The following KCNQ1 variants were observed in gnomAD, a reference collection of about 807,000 sequenced individuals.
KCNQ1 encodes potassium voltage-gated channel subfamily Q member 1, also known as potassium voltage-gated channel subfamily KQT member 1.
Under a neutral mutation model 72.4 loss-of-function variants are expected in KCNQ1, and 49 were observed. The observed-to-expected ratio is 0.68, with a 90% CI of 0.54 to 0.86. The LOEUF (loss-of-function observed/expected upper bound fraction) is 0.86, where lower values mean the gene tolerates loss of function less well. Ranked by LOEUF, KCNQ1 falls within the 40% of genes least tolerant of loss-of-function variation. The probability of loss-of-function intolerance (pLI) is 0.00; values close to 1 mark genes in which losing one functional copy is unlikely to be tolerated. For synonymous variants in KCNQ1, 450 were observed against 412.6 expected (o/e 1.09, Z -1.10); for missense variants, 790 against 945.1 (o/e 0.84, Z 2.15).
chr11:2,644,177 T>A (rs1849627295), intron 10 of KCNQ1: 1 of 398,464 alleles, frequency 2.5e-6, no homozygotes, highest in African/African-American at 2.1e-5. Flanking sequence ...TTTCATTAAA[T>A]AGGTTTTATA....
intron 10 of KCNQ1, chr11:2,629,674 T>A (rs2133814479): frequency 2.5e-6 from 1 of 398,540 alleles, no homozygotes; most frequent in South Asian, 1.3e-4. Flanking sequence ...CTCTCTATTC[T>A]TTTTGATGCT....
At chr11:2,622,930 C>T (rs1296215445) in intron 10 of KCNQ1, 2 of 398,558 alleles carry the variant, frequency 5.0e-6, no homozygotes, top group Non-Finnish European at 8.8e-6. Flanking sequence ...TTGGGGTGTA[C>T]ATTCTGTGGG....
chr11:2,742,873 G>T (rs954692585), intron 11 of KCNQ1, among the ~76,000 whole-genome samples: 1 of 152,194 alleles, frequency 6.6e-6, no homozygotes, highest in Non-Finnish European at 1.5e-5. Context: ...AGGAAATCCA[G>T]TGCTCCGAGC....
In KCNQ1 at chr11:2,617,482, T is replaced by C. The variant is rs1849086041; in HGVS notation, c.1393+28628T>C. 2.5e-6 allele frequency: 1 copy of C among 398,446 alleles called. No individual in the cohort carries two copies. The highest frequency in any genetic ancestry group is 3.6e-5 in the East Asian group (1 of 28,064). 24.7% of individuals were successfully genotyped at this position (398,446 alleles called of 1,614,324 possible). ...AGTCATCCATCAATGGACACGTAAGTTTTCATATCGTGACTCATGCATATA... is the reference window on the plus strand; with the variant it reads ...AGTCATCCATCAATGGACACGTAAGCTTTCATATCGTGACTCATGCATATA... On this transcript the variant is annotated intron_variant, in intron 10 of 15. Transcript: ENST00000155840. The surrounding 1 kb of genome is among the most constrained non-coding windows in gnomAD (Gnocchi z 4.6).
At position 2,847,992 on chromosome 11, in the gene KCNQ1, G is replaced by T. The variant is rs762122463; in HGVS notation, c.2020G>T (p.Glu674Ter). The part of the protein sequence containing the change: ...QLTVPRRGPD[E>*]GS ...GACCGTGCCCAGGAGGGGCCCCGAT[G>T]AGGGGTCCTGAGGAGGGGATGGGGC... is the stretch of plus-strand genomic sequence containing the variant. Residue 674 changes from glutamate to a stop codon, truncating the protein, a stop_gained, in exon 16 of 16, where the codon GAG (glutamate) becomes TAG (stop). Coordinates refer to ENST00000155840, the MANE Select transcript of KCNQ1 (RefSeq NM_000218.3). LOFTEE classifies it high-confidence loss of function. 6.5e-7 allele frequency: 1 copy of T among 1,539,028 alleles called. No homozygotes were observed. The highest frequency in any genetic ancestry group is 8.8e-7 in the Non-Finnish European group (1 of 1,139,918).
rs1846349609 is a variant in KCNQ1 at position 2,759,139 on chromosome 11, T to A, written c.1515-9705T>A. Among the ~76,000 whole-genome samples the A allele has an allele frequency of 6.7e-6, 1 of 148,524 alleles. No individual in the cohort carries two copies. Among genetic ancestry groups the A allele is most frequent in the Admixed American group, 6.7e-5 (1 of 14,838 alleles). ...TTTTTTTTTCCCAACTTCCTAGGAG[T>A]CTATAATTGTTTCAAAATAAAAAGA... is the stretch of plus-strand genomic sequence containing the variant. On this transcript the variant is annotated intron_variant, in intron 11 of 15. Transcript: ENST00000155840. The surrounding 1 kb of genome is among the most constrained non-coding windows in gnomAD (Gnocchi z 4.4).
rs563918666 is a variant in KCNQ1 at position 2,624,775 on chromosome 11, T to C, written c.1393+35921T>C. ...CCACCGCCATCTCTTGGAAACCACC[T>C]TGTACTTTCTATGTCTCTGATTTGA... On this transcript the variant is annotated intron_variant, in intron 10 of 15. Coordinates refer to ENST00000155840, the MANE Select transcript of KCNQ1 (RefSeq NM_000218.3). This position sits in a 1 kb window ranked among gnomAD's most constrained non-coding sequence, Gnocchi z 4.9. The C allele has an allele frequency of 2.5e-6, 1 of 398,518 alleles. No individual in the cohort carries two copies. Among genetic ancestry groups the C allele is most frequent in the African/African-American group, 2.1e-5 (1 of 48,756 alleles). 24.7% of individuals were successfully genotyped at this position (398,518 alleles called of 1,614,324 possible).
rs1440926821 is a variant in KCNQ1, at chr11:2,626,621, CA to C, written c.1394-35339del. ...ACTGCTTACTGCCACCTCAATCTCCCAGGCTCAAGCAATCCTCCCACCTCGG... is the reference window on the plus strand; with the variant it reads ...ACTGCTTACTGCCACCTCAATCTCCCGGCTCAAGCAATCCTCCCACCTCGG... On this transcript the variant is annotated intron_variant, in intron 10 of 15. Transcript: ENST00000155840. This position sits in a 1 kb window ranked among gnomAD's most constrained non-coding sequence, Gnocchi z 4.0. The C allele has an allele frequency of 1.0e-5, 4 of 398,476 alleles. No homozygotes were observed. The allele number at this position is 398,476 out of a possible 1,614,324, so 24.7% of individuals were successfully genotyped here. A position where few individuals can be genotyped will look rare whatever the true frequency, so the allele number is the denominator to read the frequency against.
At position 2,815,428 on chromosome 11, in the gene KCNQ1, G is replaced by A. The variant is rs564593431; in HGVS notation, c.1795-32339G>A. 6.6e-6 allele frequency among the ~76,000 whole-genome samples: 1 copy of A among 152,088 alleles called. No individual in the cohort carries two copies. Among genetic ancestry groups the A allele is most frequent in the Non-Finnish European group, 1.5e-5 (1 of 68,004 alleles). On this transcript the variant is annotated intron_variant, in intron 15 of 15. Coordinates refer to ENST00000155840, the MANE Select transcript of KCNQ1 (RefSeq NM_000218.3). This position sits in a 1 kb window ranked among gnomAD's most constrained non-coding sequence, Gnocchi z 5.4. ...AGGCCCACAGGGTAGTTCTGAGTTC[G>A]GGGGACCCTCTCCTGGCCCTGTGGG...
At chr11:2,571,809 T>C (rs1030557208) in intron 4 of KCNQ1, among the ~76,000 whole-genome samples, 2 of 152,054 alleles carry the variant, frequency 1.3e-5, no homozygotes, top group African/African-American at 4.8e-5. Flanking sequence ...TGTGGGCAGA[T>C]TCAGAGCAGG....
chr11:2,656,118 G>A (rs893513768), intron 10 of KCNQ1: 3 of 398,524 alleles, frequency 7.5e-6, no homozygotes, highest in African/African-American at 2.1e-5. Context: ...CTACGTTCTA[G>A]CCTGTGCTCC....
chr11:2,575,297 G>A (rs1052123246), intron 6 of KCNQ1, among the ~76,000 whole-genome samples: 2 of 152,142 alleles, frequency 1.3e-5, no homozygotes, highest in Admixed American at 6.5e-5. Flanking sequence ...GCTGCAGCCC[G>A]AGCCTCGGCC....
At chr11:2,832,737 T>C (rs1012794991) in intron 15 of KCNQ1, among the ~76,000 whole-genome samples, 3 of 152,170 alleles carry the variant, frequency 2.0e-5, no homozygotes, top group African/African-American at 7.2e-5. Flanking sequence ...GCGGCCCAGC[T>C]GTGGGGTGAA....
chr11:2,505,115 G>A (rs143302796), intron 1 of KCNQ1, among the ~76,000 whole-genome samples: 65 of 150,762 alleles, frequency 4.3e-4, no homozygotes, highest in Non-Finnish European at 7.7e-4. Flanking sequence ...GGTTTGTTAC[G>A]TAGGTAAATG....
chr11:2,598,178 A>G lies in KCNQ1; in HGVS notation c.1393+9324A>G, dbSNP rs1848757196. ...TCTACTAAAGGCATTTTTAAAGGCT[A>G]TAAATTTTCCTCTGATTGCAGCTTT... On this transcript the variant is annotated intron_variant, in intron 10 of 15. Coordinates refer to ENST00000155840, the MANE Select transcript of KCNQ1 (RefSeq NM_000218.3). This position sits in a 1 kb window ranked among gnomAD's most constrained non-coding sequence, Gnocchi z 6.2. 1.3e-5 allele frequency among the ~76,000 whole-genome samples: 2 copies of G among 152,174 alleles called. No individual in the cohort carries two copies. Among genetic ancestry groups the G allele is most frequent in the Admixed American group, 6.5e-5 (1 of 15,274 alleles).
At chr11:2,618,713 T>G (rs897514983) in intron 10 of KCNQ1, 1 of 398,426 alleles carries the variant, frequency 2.5e-6, no homozygotes, top group African/African-American at 2.1e-5. Flanking sequence ...CTTTAGAATT[T>G]AAAAAAATTT....
Position 2,494,865 on chromosome 11 carries a change from G to T in KCNQ1, c.387-33063G>T, listed in dbSNP as rs1463013462. On this transcript the variant is annotated intron_variant, in intron 1 of 15. Transcript: ENST00000155840. The surrounding 1 kb of genome is among the most constrained non-coding windows in gnomAD (Gnocchi z 4.6). ...GATGCTGGCCTCATAAAATGAGTTAGGGAGGGGTCCCTCTTTTTCTACTGT... is the reference window on the plus strand; with the variant it reads ...GATGCTGGCCTCATAAAATGAGTTATGGAGGGGTCCCTCTTTTTCTACTGT... 1.3e-5 allele frequency among the ~76,000 whole-genome samples: 2 copies of T among 152,186 alleles called. No individual in the cohort carries two copies. Among genetic ancestry groups the T allele is most frequent in the Non-Finnish European group, 2.9e-5 (2 of 68,038 alleles).
At position 2,475,061 on chromosome 11, in the gene KCNQ1, C is replaced by T. The variant is rs757238576; in HGVS notation, c.386+29577C>T. ...CCCATGTTTCATGGTCTTCGGTTTA[C>T]TCGCAGTGCTAGGCGTCCGACACGT... On this transcript the variant is annotated intron_variant, in intron 1 of 15. Transcript: ENST00000155840. This position sits in a 1 kb window ranked among gnomAD's most constrained non-coding sequence, Gnocchi z 5.8. 8.5e-5 allele frequency among the ~76,000 whole-genome samples: 13 copies of T among 152,194 alleles called. No homozygotes were observed. Among genetic ancestry groups the T allele is most frequent in the Non-Finnish European group, 1.8e-4 (12 of 68,044 alleles).
At chr11:2,641,866 C>A in intron 10 of KCNQ1, 1 of 398,382 alleles carries the variant, frequency 2.5e-6, no homozygotes. Flanking sequence ...CTTATTTTCC[C>A]AGCTCCATTA....
Sources: gnomAD v4.1 joint callset for allele counts (sites outside exome capture counted in the v4.1 genomes callset) on GRCh38, gnomAD v4.1.1 for gene constraint, Gnocchi (gnomAD v3.1) non-coding constraint, MANE v1.5 for transcripts, NCBI Gene and HGNC (gene_info 2026-07-23, HGNC 2026-07-21) for gene names.